The following EIF4G3 variants were observed in gnomAD, a reference collection of about 807,000 sequenced individuals.
The protein encoded by EIF4G3 is eIF-4-gamma 3.
A neutral mutation model predicts 186.4 loss-of-function variants in EIF4G3; 34 were observed. The observed-to-expected ratio is 0.18, with a 90% CI of 0.14 to 0.24. The LOEUF (loss-of-function observed/expected upper bound fraction) is 0.24. Among genes scored for constraint, EIF4G3 ranks in the 10% least tolerant of loss-of-function variants. EIF4G3 has a pLI of 1.00. For missense variants in EIF4G3, 1,536 were observed against 1,948.5 expected (o/e 0.79, Z 3.99); for synonymous variants, 673 against 679.5 (o/e 0.99, Z 0.15).
rs558316597 is a variant in EIF4G3 at position 21,176,683 on chromosome 1, G to T, written c.-456+39C>A. 2.5e-5 allele frequency: 15 copies of T among 604,690 alleles called. 1 individual carries two copies. The South Asian group carries it at 2.5e-4, about 10-fold the overall frequency. 37.5% of individuals were successfully genotyped at this position (604,690 alleles called of 1,614,324 possible). On this transcript the variant is annotated intron_variant, in intron 1 of 36. Transcript: ENST00000602326. Reference sequence around the variant, plus strand: ...CGTGACAACGCGACCCCAGGGGGGGGGCCGGACCCGGCGGGGGCAGGAGGC... The same window carrying T: ...CGTGACAACGCGACCCCAGGGGGGGTGCCGGACCCGGCGGGGGCAGGAGGC...
intron 14 of EIF4G3, among the ~76,000 whole-genome samples, chr1:20,909,664 GT>G (rs1339297391): frequency 6.7e-6 from 1 of 149,580 alleles, no homozygotes; most frequent in East Asian, 2.0e-4. Context: ...GTTTGTTTTT[GT>G]TTTTTTCCCC....
intron 2 of EIF4G3, among the ~76,000 whole-genome samples, chr1:21,173,448 A>C (rs1037797425): frequency 6.6e-6 from 1 of 152,120 alleles, no homozygotes; most frequent in Non-Finnish European, 1.5e-5. Context: ...GCACTTTGGG[A>C]GGCTGAGGCA....
chr1:20,864,673 C>A lies in EIF4G3; in HGVS notation c.2809G>T (p.Ala937Ser). Residue 937 changes from alanine to serine, a missense_variant, in exon 22 of 37, where the codon GCC becomes TCC. Physicochemically the swap from Ala to Ser is moderately conservative, Grantham distance 99 (BLOSUM62 1). Transcript: ENST00000602326. Reference sequence around the variant, plus strand: ...GATCTCCGCCGGGCTTTGTCCTTGGCTTCTTCCAGTTCATCATGAAGCCTT... The same window carrying A: ...GATCTCCGCCGGGCTTTGTCCTTGGATTCTTCCAGTTCATCATGAAGCCTT... ...RTRLHDELEEAKDKARRRSIG... is the reference protein window; with the variant it reads ...RTRLHDELEESKDKARRRSIG... 1 of 1,614,146 alleles carries A rather than the reference C, an allele frequency of 6.2e-7. No individual in the cohort carries two copies. Among genetic ancestry groups the A allele is most frequent in the South Asian group, 1.1e-5 (1 of 91,074 alleles).
intron 36 of EIF4G3, among the ~76,000 whole-genome samples, chr1:20,808,032 G>A (rs2058443142): frequency 1.3e-5 from 2 of 151,392 alleles, no homozygotes; most frequent in African/African-American, 2.4e-5. Flanking sequence ...TACAGGCGCC[G>A]GCCACCACAG....
At chr1:20,889,628 C>T (rs1032336064) in intron 18 of EIF4G3, among the ~76,000 whole-genome samples, 3 of 151,948 alleles carry the variant, frequency 2.0e-5, no homozygotes, top group Admixed American at 1.3e-4. Context: ...GTAGCTGGGA[C>T]TACAGGCGCC....
intron 4 of EIF4G3, among the ~76,000 whole-genome samples, chr1:21,014,635 CTTTTTT>C (rs35432782): frequency 1.6e-5 from 2 of 128,180 alleles, no homozygotes; most frequent in African/African-American, 2.9e-5. Flanking sequence ...AGACAAACAC[CTTTTTT>C]TTTTTTTTTT....
Position 21,126,438 on chromosome 1 carries a change from G to C in EIF4G3, c.-271-37225C>G, listed in dbSNP as rs544891134. On this transcript the variant is annotated intron_variant, in intron 2 of 36. Transcript: ENST00000602326. Reference sequence around the variant, plus strand: ...CCATTACTTTGGGAGGCCGAGGTAGGTTGCTTGAGGCCAGTAGTTCAAGAT... The same window carrying C: ...CCATTACTTTGGGAGGCCGAGGTAGCTTGCTTGAGGCCAGTAGTTCAAGAT... Among the ~76,000 whole-genome samples the C allele has an allele frequency of 2.0e-5, 3 of 151,930 alleles. No individual in the cohort carries two copies. In the East Asian group the frequency reaches 5.8e-4, roughly 30 times the overall value.
intron 29 of EIF4G3, among the ~76,000 whole-genome samples, chr1:20,847,120 A>C (rs2071384114): frequency 6.6e-6 from 1 of 152,192 alleles, no homozygotes; most frequent in Non-Finnish European, 1.5e-5. Context: ...TTAGCAGTTA[A>C]GATTTTGAAC....
intron 18 of EIF4G3, among the ~76,000 whole-genome samples, chr1:20,890,193 G>A (rs1003909719): frequency 2.0e-5 from 3 of 151,754 alleles, no homozygotes; most frequent in African/African-American, 7.3e-5. Context: ...GGCTGGTCTC[G>A]AACTCCTGGC....
At chr1:20,947,403 G>GA (rs373840545) in intron 13 of EIF4G3, among the ~76,000 whole-genome samples, 60 of 149,892 alleles carry the variant, frequency 4.0e-4, no homozygotes, top group African/African-American at 1.5e-3. Context: ...CATTTTCTCT[G>GA]AAAAAAATAG....
At chr1:21,117,736 TAAAAAAAAAAAAA>T (rs71014156) in intron 2 of EIF4G3, among the ~76,000 whole-genome samples, 2 of 73,088 alleles carry the variant, frequency 2.7e-5, no homozygotes, top group African/African-American at 9.6e-5. Context: ...CAGTATATAG[TAAAAAAAAAAAAA>T]AAAAAAAAAA....
At position 20,980,506 on chromosome 1, in the gene EIF4G3, A is replaced by C. The variant is rs929205995; in HGVS notation, c.379-58T>G. The C allele has an allele frequency of 1.5e-5, 17 of 1,111,600 alleles. No homozygotes were observed. In the South Asian group the frequency reaches 2.8e-4, roughly 18 times the overall value. The allele number at this position is 1,111,600 out of a possible 1,614,324, so 68.9% of individuals were successfully genotyped here. Reference sequence around the variant, plus strand: ...AATATGGTATCTGGGGGCGAAAAACATAATAAAATAATAAGAAAGTAGCTT... The same window carrying C: ...AATATGGTATCTGGGGGCGAAAAACCTAATAAAATAATAAGAAAGTAGCTT... On this transcript the variant is annotated intron_variant, in intron 9 of 36. Transcript: ENST00000602326.
In EIF4G3 at chr1:20,980,391, G is replaced by A. The variant is rs772757338; in HGVS notation, c.436C>T (p.Pro146Ser). The change falls in exon 10 of 37, where the codon CCG becomes TCG. Residue 146 changes from proline to serine, a missense_variant. By Grantham distance (74) the Pro-to-Ser change is moderately conservative (BLOSUM62 -1). Coordinates refer to ENST00000602326, the MANE Select transcript of EIF4G3 (RefSeq NM_001391906.1). ...CCAGGATAAAAAGGACCTGGCCCCG[G>A]TGGTTGAACTGGATATTGTTGGGGG... ...GPPQQYPVQP[P>S]GPGPFYPGPG... 1.9e-6 allele frequency: 3 copies of A among 1,548,198 alleles called. No individual in the cohort carries two copies. The Admixed American group carries it at 7.1e-5, about 37-fold the overall frequency.
intron 16 of EIF4G3, among the ~76,000 whole-genome samples, chr1:20,896,182 G>A (rs1422341678): frequency 1.1e-4 from 17 of 152,012 alleles, no homozygotes; most frequent in Admixed American, 1.1e-3. Context: ...CAAGGCCAGG[G>A]ATGGTGGCTC....
At chr1:21,153,723 C>A (rs895156090) in intron 2 of EIF4G3, among the ~76,000 whole-genome samples, 26 of 152,158 alleles carry the variant, frequency 1.7e-4, no homozygotes, top group Admixed American at 1.7e-3. Context: ...TGCCACCACA[C>A]CCGACTAATT....
chr1:20,986,619 T>G (rs1235068785), intron 7 of EIF4G3, among the ~76,000 whole-genome samples: 2 of 151,554 alleles, frequency 1.3e-5, no homozygotes, highest in African/African-American at 2.4e-5. Context: ...CGTGGTGGCA[T>G]GCGCCTGTAG....
intron 33 of EIF4G3, 143 bp from the exon 34 acceptor site, chr1:20,817,681 GT>G (rs34471464): frequency 0.052 from 7,739 of 149,552 alleles, 14 homozygotes; most frequent in East Asian, 0.1. Context: ...TATGTTTGTA[GT>G]TTTTTTTTTT....
intron 34 of EIF4G3, among the ~76,000 whole-genome samples, chr1:20,815,643 G>T (rs2060461633): frequency 7.8e-6 from 1 of 128,714 alleles, no homozygotes; most frequent in African/African-American, 2.8e-5. Context: ...CCGTCCGGGA[G>T]GGAGGTGGGG....
intron 33 of EIF4G3, among the ~76,000 whole-genome samples, chr1:20,823,555 T>A (rs774522173): frequency 1.3e-5 from 2 of 152,026 alleles, no homozygotes; most frequent in African/African-American, 2.4e-5. Context: ...TATTTTTTTT[T>A]AGTAGAGACA....
Sources: allele counts gnomAD v4.1 joint callset (sites outside exome capture counted in the v4.1 genomes callset), GRCh38; gene constraint gnomAD v4.1.1; transcripts MANE v1.5; gene names NCBI Gene and HGNC (gene_info 2026-07-23, HGNC 2026-07-21).